RGS3: variants seen among roughly 807,000 people sequenced by gnomAD.
The protein encoded by RGS3 is regulator of G-protein signalling 3.
RGS3 carries 80 observed loss-of-function variants against 132.6 expected under a neutral mutation model. The ratio of observed to expected loss-of-function variants is 0.60; its 90% CI spans 0.50 to 0.73. The LOEUF is 0.73. Ranked by LOEUF, RGS3 falls within the 30% of genes least tolerant of loss-of-function variation. The probability of loss-of-function intolerance (pLI) is 0.00; values close to 1 mark genes in which losing one functional copy is unlikely to be tolerated. For synonymous variants in RGS3, 598 were observed against 620.6 expected, an observed-to-expected ratio of 0.96 and a Z score of 0.54; for missense variants, 1,382 against 1,530.8, an observed-to-expected ratio of 0.90 and a Z score of 1.62.
chr9:113,503,156 G>A (rs905493953), intron 10 of RGS3, among the ~76,000 whole-genome samples: 19 of 152,344 alleles, frequency 1.2e-4, no homozygotes, highest in African/African-American at 3.8e-4. Context: ...AGAACCACCC[G>A]CAGGAAGGAC....
rs911937307 is a variant in RGS3, at chr9:113,476,140, G to C, written c.416-3351G>C. Among the ~76,000 whole-genome samples, 4 of 152,136 alleles carry C rather than the reference G, an allele frequency of 2.6e-5. No homozygotes were observed. The East Asian group carries it at 5.8e-4, about 22-fold the overall frequency. On this transcript the variant is annotated intron_variant, in intron 3 of 24. Transcript: ENST00000350696. ...CTTGAGAAAAGCTGTGGCACCTGGT[G>C]CTGTCCCCGATGGTTCTCTCTACCT...
chr9:113,551,364 G>A (rs912686337), intron 19 of RGS3, among the ~76,000 whole-genome samples: 14 of 152,096 alleles, frequency 9.2e-5, no homozygotes, highest in Non-Finnish European at 2.1e-4. Context: ...TTGTTTAACC[G>A]TTCATCAGTT....
chr9:113,465,480 T>TGTGTGC (rs1286703799), intron 3 of RGS3, among the ~76,000 whole-genome samples: 2 of 150,892 alleles, frequency 1.3e-5, no homozygotes, highest in Non-Finnish European at 3.0e-5. Context: ...TGTGTGTGTG[T>TGTGTGC]GCCTGTGTGT....
rs1246145528 is a variant in RGS3, at chr9:113,461,351, G to A, written c.81-356G>A. Among the ~76,000 whole-genome samples the A allele has an allele frequency of 3.3e-5, 5 of 152,274 alleles. No individual in the cohort carries two copies. In the South Asian group the frequency reaches 6.2e-4, roughly 19 times the overall value. On this transcript the variant is annotated intron_variant, in intron 1 of 24. Transcript: ENST00000350696. ...CAGGGCCATGATCATGAGCCTTTCT[G>A]GATGTTGCTTTTGGACAGCAGTGTG...
intron 19 of RGS3, among the ~76,000 whole-genome samples, chr9:113,576,610 G>A (rs754294260): frequency 6.6e-6 from 1 of 151,964 alleles, no homozygotes; most frequent in Non-Finnish European, 1.5e-5. Context: ...GATTACAGGC[G>A]TGAGCCACCG....
chr9:113,484,094 G>T, intron 5 of RGS3, 44 bp from the exon 4 acceptor site: 2 of 1,190,100 alleles, frequency 1.7e-6, no homozygotes, highest in Non-Finnish European at 1.3e-6. Flanking sequence ...GGCTTAGGTG[G>T]GCCATGAGAT....
intron 15 of RGS3, 86 bp downstream of exon 13, chr9:113,514,740 T>G (rs1241488889): frequency 5.1e-6 from 7 of 1,364,940 alleles, no homozygotes; most frequent in Non-Finnish European, 7.1e-6. Context: ...GGATGATGAC[T>G]TATCCCAGGA....
intron 19 of RGS3, among the ~76,000 whole-genome samples, chr9:113,561,069 G>C (rs1039359261): frequency 6.6e-6 from 1 of 152,054 alleles, no homozygotes; most frequent in Non-Finnish European, 1.5e-5. Context: ...TGTTGCCCAG[G>C]CTGGAGTGCA....
intron 15 of RGS3, chr9:113,517,287 CA>C: frequency 1.6e-6 from 1 of 627,320 alleles, no homozygotes. Flanking sequence ...GACTTCCTGT[CA>C]ATGAGTGTAG....
intron 5 of RGS3, 21 bp from the exon 4 acceptor site, chr9:113,484,117 C>T: frequency 6.8e-7 from 1 of 1,474,434 alleles, no homozygotes; most frequent in Non-Finnish European, 9.5e-7. Context: ...GCTAATCATG[C>T]TTCCTTTTTT....
intron 3 of RGS3, among the ~76,000 whole-genome samples, chr9:113,468,420 C>A (rs1829718384): frequency 6.6e-6 from 1 of 152,186 alleles, no homozygotes; most frequent in Non-Finnish European, 1.5e-5. Flanking sequence ...TGCCTATTAT[C>A]ATTCCAGTAT....
At chr9:113,587,567 G>C (rs1306391463) in intron 20 of RGS3, among the ~76,000 whole-genome samples, 1 of 152,222 alleles carries the variant, frequency 6.6e-6, no homozygotes, top group African/African-American at 2.4e-5. Context: ...TAGAAAGCTT[G>C]GGCTGGTCAT....
At chr9:113,469,645 T>G (rs1179033398) in intron 3 of RGS3, among the ~76,000 whole-genome samples, 3 of 152,174 alleles carry the variant, frequency 2.0e-5, no homozygotes, top group Non-Finnish European at 2.9e-5. Context: ...ATTGAACATT[T>G]CTAGTATTTA....
At chr9:113,502,701 G>C (rs1260768548) in intron 10 of RGS3, among the ~76,000 whole-genome samples, 1 of 152,234 alleles carries the variant, frequency 6.6e-6, no homozygotes, top group East Asian at 1.9e-4. Flanking sequence ...CTGGCTGTCA[G>C]AGTGGGGCCA....
intron 19 of RGS3, among the ~76,000 whole-genome samples, chr9:113,548,785 C>T: frequency 6.6e-6 from 1 of 152,226 alleles, no homozygotes; most frequent in East Asian, 1.9e-4. Flanking sequence ...CTGTTTTTCC[C>T]TGGCTGTTTC....
exon 6 of RGS3, chr9:113,484,166 T>C: frequency 6.2e-7 from 1 of 1,612,288 alleles, no homozygotes; most frequent in Non-Finnish European, 8.5e-7. Context: ...GATAGTAGAC[T>C]ACGCCACCAG....
rs757180871 is a variant in RGS3 at position 113,507,326 on chromosome 9, G to T, written c.1125G>T (p.Met375Ile). 1.2e-6 allele frequency: 2 copies of T among 1,613,874 alleles called. No homozygotes were observed. The highest frequency in any genetic ancestry group is 1.7e-5 in the Admixed American group (1 of 60,024). Residue 375 changes from methionine to isoleucine, a missense_variant, in exon 13 of 25, where the codon ATG becomes ATT. By Grantham distance (10) the Met-to-Ile change is conservative (BLOSUM62 1). Coordinates refer to ENST00000350696, the Ensembl canonical transcript of RGS3. This position sits in a 1 kb window ranked among gnomAD's most constrained non-coding sequence, Gnocchi z 5.0. ...AGATCATCCTACTCGTGTGGCGCATGGTCCCCCAGGTCAAGCCAGGACCAG... is the reference window on the plus strand; with the variant it reads ...AGATCATCCTACTCGTGTGGCGCATTGTCCCCCAGGTCAAGCCAGGACCAG...
At chr9:113,562,311 A>AC (rs1298049844) in intron 19 of RGS3, among the ~76,000 whole-genome samples, 3 of 152,076 alleles carry the variant, frequency 2.0e-5, no homozygotes, top group Non-Finnish European at 4.4e-5. Context: ...CCCCACCTCT[A>AC]CTAAAAATGC....
intron 3 of RGS3, among the ~76,000 whole-genome samples, chr9:113,468,113 G>A (rs1829709399): frequency 6.6e-6 from 1 of 152,178 alleles, no homozygotes; most frequent in South Asian, 2.1e-4. Context: ...AGAATTCACT[G>A]CCAAATCTAA....
Sources: gnomAD v4.1 joint callset for allele counts (sites outside exome capture counted in the v4.1 genomes callset) on GRCh38, gnomAD v4.1.1 for gene constraint, Gnocchi (gnomAD v3.1) non-coding constraint, MANE v1.5 for transcripts, NCBI Gene and HGNC (gene_info 2026-07-23, HGNC 2026-07-21) for gene names.